The following ANK2 variants were observed in gnomAD, a reference collection of about 807,000 sequenced individuals.
The protein encoded by ANK2 is ankyrin 2, also known as ankyrin-2.
In ANK2, 83 loss-of-function variants were observed where a neutral mutation model predicts 360.5. The ratio of observed to expected loss-of-function variants is 0.23; its 90% CI spans 0.19 to 0.28. The LOEUF (loss-of-function observed/expected upper bound fraction) is 0.28. Among genes scored for constraint, ANK2 ranks in the 10% least tolerant of loss-of-function variants. ANK2 has a pLI of 1.00. For missense variants in ANK2, 4,201 were observed against 4,795.7 expected (o/e 0.88, Z 3.66); for synonymous variants, 1,740 against 1,759.5 (o/e 0.99, Z 0.28).
At chr4:112,770,764 T>C in the ANK2 span, among the ~76,000 whole-genome samples, 8 of 152,008 alleles carry the variant, frequency 5.3e-5, no homozygotes, top group Non-Finnish European at 1.2e-4. Context: ...TTAAAACAGA[T>C]TTCTGAGGGC....
rs545057639 is a variant in ANK2 at position 113,138,479 on chromosome 4, A to G, written c.85-35937A>G. The stretch of plus-strand genomic sequence containing the variant: ...GGTTTAATTGGTAATTCTAAAATAA[A>G]TACTCATATATGCTCTAGTTGAACC... On this transcript the variant is annotated intron_variant, in intron 1 of 45. Transcript: ENST00000357077. Among the ~76,000 whole-genome samples, 3 of 152,308 alleles carry G rather than the reference A, an allele frequency of 2.0e-5. No individual in the cohort carries two copies. In the South Asian group the frequency reaches 6.2e-4, roughly 32 times the overall value.
chr4:113,045,150 A>G (rs9683500), upstream of ANK2, among the ~76,000 whole-genome samples: 28,953 of 152,224 alleles, frequency 0.19, 3,129 homozygotes, highest in East Asian at 0.4. Flanking sequence ...AATGTTATGA[A>G]TTTAAATAGT....
chr4:112,732,430 G>A, the ANK2 span, among the ~76,000 whole-genome samples: 3 of 151,900 alleles, frequency 2.0e-5, no homozygotes, highest in South Asian at 6.2e-4. Flanking sequence ...GTTTTTTGTA[G>A]CAAGGGGAGT....
intron 33 of ANK2, 63 bp from the exon 34 acceptor site, chr4:113,342,954 T>C: frequency 6.2e-7 from 1 of 1,602,938 alleles, no homozygotes; most frequent in Non-Finnish European, 8.5e-7. Context: ...CTACCACTTC[T>C]TTGTGTAAAC....
At chr4:113,215,279 G>A (rs78839328) in intron 4 of ANK2, among the ~76,000 whole-genome samples, 5,673 of 152,154 alleles carry the variant, frequency 0.037, 128 homozygotes, top group East Asian at 0.067. Flanking sequence ...TAACCTCTTA[G>A]CGACTCCATT....
At chr4:113,328,432 T>C (rs961199204) in intron 26 of ANK2, among the ~76,000 whole-genome samples, 70 of 152,308 alleles carry the variant, frequency 4.6e-4, no homozygotes, top group African/African-American at 1.6e-3. Context: ...AAACTTTACA[T>C]CTGTCTAGAA....
chr4:113,118,281 G>A (rs1176103103), intron 1 of ANK2, among the ~76,000 whole-genome samples: 1 of 152,118 alleles, frequency 6.6e-6, no homozygotes, highest in Non-Finnish European at 1.5e-5. Context: ...GATGATAAAT[G>A]GCTTATTACA....
At chr4:112,879,463 C>A (rs1444525883) in intron 1 of ANK2, among the ~76,000 whole-genome samples, 1 of 152,116 alleles carries the variant, frequency 6.6e-6, no homozygotes, top group East Asian at 1.9e-4. Flanking sequence ...CCCAGGCAAG[C>A]CTTCAGATAC....
intron 42 of ANK2, among the ~76,000 whole-genome samples, chr4:113,369,002 T>C (rs1344071939): frequency 1.3e-5 from 2 of 152,158 alleles, no homozygotes; most frequent in Non-Finnish European, 2.9e-5. Flanking sequence ...TGAAAAAAGT[T>C]TCCATGTCAA....
chr4:113,134,975 G>A (rs1419594126), intron 1 of ANK2, among the ~76,000 whole-genome samples: 1 of 152,122 alleles, frequency 6.6e-6, no homozygotes, highest in African/African-American at 2.4e-5. Flanking sequence ...TCTTCAGGAT[G>A]CACAATTACT....
intron 1 of ANK2, among the ~76,000 whole-genome samples, chr4:113,171,436 C>T (rs1283665468): frequency 6.6e-6 from 1 of 152,192 alleles, no homozygotes; most frequent in African/African-American, 2.4e-5. Flanking sequence ...AATATTCATA[C>T]ATAACTTTTA....
At chr4:113,324,412 G>T (rs1419755249) in intron 26 of ANK2, among the ~76,000 whole-genome samples, 1 of 152,108 alleles carries the variant, frequency 6.6e-6, no homozygotes, top group Non-Finnish European at 1.5e-5. Context: ...CTATTAGACT[G>T]CTAATTATAG....
At chr4:112,854,725 GA>G (rs1253392967) in intron 1 of ANK2, among the ~76,000 whole-genome samples, 4 of 152,138 alleles carry the variant, frequency 2.6e-5, no homozygotes. Context: ...GCTTTAGGAG[GA>G]AAACATTATA....
chr4:113,207,695 A>G (rs1407846798), intron 4 of ANK2, among the ~76,000 whole-genome samples: 9 of 151,688 alleles, frequency 5.9e-5, no homozygotes, highest in Non-Finnish European at 1.3e-4. Context: ...GCAAAAAAAA[A>G]AAAAAAAAAA....
At chr4:113,059,913 C>A (rs1333085885) in intron 1 of ANK2, among the ~76,000 whole-genome samples, 2 of 152,124 alleles carry the variant, frequency 1.3e-5, no homozygotes, top group Non-Finnish European at 2.9e-5. Flanking sequence ...CAGTTATCTT[C>A]ATTTAGTGTC....
At position 113,245,867 on chromosome 4, in the gene ANK2, C is replaced by T. The variant is rs576211919; in HGVS notation, c.891+3658C>T. ...TCACCCAGGCTGGAGTACAATAGTG[C>T]GATCTCGGCTCACCGCAACCCCCAC... On this transcript the variant is annotated intron_variant, in intron 9 of 45. Transcript: ENST00000357077. 2.6e-4 allele frequency among the ~76,000 whole-genome samples: 39 copies of T among 151,708 alleles called. No individual in the cohort carries two copies. The South Asian group carries it at 6.2e-3, about 24-fold the overall frequency.
chr4:113,183,038 GA>G (rs2098448539), intron 2 of ANK2, among the ~76,000 whole-genome samples: 1 of 152,134 alleles, frequency 6.6e-6, no homozygotes, highest in African/African-American at 2.4e-5. Context: ...TGCACAAGTG[GA>G]GGGACTGGCT....
intron 2 of ANK2, among the ~76,000 whole-genome samples, chr4:112,984,810 G>C (rs2044309576): frequency 6.6e-6 from 1 of 152,104 alleles, no homozygotes. Context: ...TTCAAACCTG[G>C]GAAAACATTT....
At chr4:112,710,151 T>TA in the ANK2 span, among the ~76,000 whole-genome samples, 4 of 152,206 alleles carry the variant, frequency 2.6e-5, no homozygotes, top group African/African-American at 4.8e-5. Flanking sequence ...GAAACTGAGC[T>TA]ACATACTCAA....
Sources: gnomAD v4.1 joint callset for allele counts (sites outside exome capture counted in the v4.1 genomes callset) on GRCh38, gnomAD v4.1.1 for gene constraint, MANE v1.5 for transcripts, NCBI Gene and HGNC (gene_info 2026-07-23, HGNC 2026-07-21) for gene names.